The following FBXL13 variants were observed in gnomAD, a reference collection of about 807,000 sequenced individuals.
The protein encoded by FBXL13 is F-box and leucine rich repeat protein 13, also known as F-box and leucine-rich repeat protein 13.
FBXL13 carries 67 observed loss-of-function variants against 83.6 expected under a neutral mutation model. The observed-to-expected ratio is 0.80, with a 90% CI of 0.66 to 0.98. The LOEUF (loss-of-function observed/expected upper bound fraction) is 0.98, where lower values mean the gene tolerates loss of function less well. Ranked by LOEUF, FBXL13 falls within the 50% of genes least tolerant of loss-of-function variation. The pLI is 0.00. For missense variants in FBXL13, 822 were observed against 866.5 expected (o/e 0.95, Z 0.64); for synonymous variants, 272 against 299.5 (o/e 0.91, Z 0.95).
At chr7:102,821,665 T>C (rs1798825694) in intron 19 of FBXL13, among the ~76,000 whole-genome samples, 1 of 152,222 alleles carries the variant, frequency 6.6e-6, no homozygotes, top group Admixed American at 6.5e-5. Context: ...CTTGCACATT[T>C]TTGCCCTCAG....
At chr7:102,926,978 T>G (rs1452905657) in intron 9 of FBXL13, among the ~76,000 whole-genome samples, 2 of 152,116 alleles carry the variant, frequency 1.3e-5, no homozygotes, top group Non-Finnish European at 2.9e-5. Context: ...GGCAGGAGAT[T>G]CAATGCTGGG....
At chr7:102,855,648 C>T (rs1563000409) in intron 16 of FBXL13, among the ~76,000 whole-genome samples, 1 of 151,792 alleles carries the variant, frequency 6.6e-6, no homozygotes, top group South Asian at 2.1e-4. Context: ...CCACCACCCC[C>T]CAACCCACCC....
chr7:102,996,080 C>A (rs1325699813), intron 6 of FBXL13, among the ~76,000 whole-genome samples: 1 of 152,136 alleles, frequency 6.6e-6, no homozygotes, highest in Non-Finnish European at 1.5e-5. Flanking sequence ...GGTCATATTG[C>A]TAGTAAACAG....
intron 19 of FBXL13, among the ~76,000 whole-genome samples, chr7:102,818,923 G>T (rs1028795966): frequency 1.8e-4 from 28 of 152,050 alleles, no homozygotes; most frequent in Admixed American, 1.4e-3. Flanking sequence ...GTATCTATTA[G>T]TTATTCTTCC....
chr7:102,856,109 A>G (rs1250391245), intron 16 of FBXL13, among the ~76,000 whole-genome samples: 4 of 152,138 alleles, frequency 2.6e-5, no homozygotes, highest in African/African-American at 7.2e-5. Flanking sequence ...TTCTTCAGGA[A>G]TATCTTTTTC....
At chr7:102,838,591 C>A (rs1584539309) in intron 17 of FBXL13, among the ~76,000 whole-genome samples, 1 of 152,084 alleles carries the variant, frequency 6.6e-6, no homozygotes, top group Non-Finnish European at 1.5e-5. Context: ...GACCTGTACC[C>A]TGAACAATTG....
At chr7:102,934,622 G>A (rs377676475) in intron 8 of FBXL13, 1 of 1,610,640 alleles carries the variant, frequency 6.2e-7, no homozygotes, top group South Asian at 1.1e-5. Context: ...CAAGCCTGAG[G>A]TGGACTCAAC....
intron 6 of FBXL13, among the ~76,000 whole-genome samples, chr7:103,021,256 G>T (rs1480980932): frequency 6.6e-6 from 1 of 152,166 alleles, no homozygotes; most frequent in Non-Finnish European, 1.5e-5. Flanking sequence ...TTAATAAATG[G>T]TGCTGGAAAA....
intron 2 of FBXL13, among the ~76,000 whole-genome samples, chr7:103,033,388 T>C (rs942968678): frequency 6.6e-6 from 1 of 152,148 alleles, no homozygotes; most frequent in Non-Finnish European, 1.5e-5. Context: ...GTGTCCAGAA[T>C]TGGTGGGTTC....
chr7:103,071,616 T>G (rs1798969695), intron 1 of FBXL13, among the ~76,000 whole-genome samples: 1 of 151,204 alleles, frequency 6.6e-6, no homozygotes, highest in South Asian at 2.1e-4. Context: ...GAGGCTGGTC[T>G]TGAACTCCTG....
At chr7:103,045,716 G>T (rs529164255) in intron 2 of FBXL13, among the ~76,000 whole-genome samples, 5 of 152,230 alleles carry the variant, frequency 3.3e-5, no homozygotes, top group African/African-American at 1.2e-4. Flanking sequence ...GGCCTGTTGG[G>T]GCCTAGTGAA....
chr7:102,860,998 C>CAT (rs59866368), intron 16 of FBXL13, among the ~76,000 whole-genome samples: 14 of 151,078 alleles, frequency 9.3e-5, no homozygotes, highest in Admixed American at 4.6e-4. Flanking sequence ...TATACACACA[C>CAT]ATATATATAT....
chr7:102,970,351 A>ATTTT (rs1826497858), intron 6 of FBXL13, among the ~76,000 whole-genome samples: 5 of 150,080 alleles, frequency 3.3e-5, no homozygotes, highest in African/African-American at 1.2e-4. Flanking sequence ...TTTTTTTTAA[A>ATTTT]AAAATGAATG....
At chr7:103,072,090 G>A (rs929142819) in intron 1 of FBXL13, among the ~76,000 whole-genome samples, 2 of 152,062 alleles carry the variant, frequency 1.3e-5, no homozygotes, top group Non-Finnish European at 2.9e-5. Context: ...GGCTGAGGCA[G>A]GAGAATCGCT....
intron 8 of FBXL13, among the ~76,000 whole-genome samples, chr7:102,956,314 C>T (rs926877702): frequency 6.6e-6 from 1 of 152,026 alleles, no homozygotes; most frequent in African/African-American, 2.4e-5. Flanking sequence ...ACAGAAAAGG[C>T]CTTCGACAAA....
chr7:102,895,478 A>C (rs1236688627), intron 11 of FBXL13, among the ~76,000 whole-genome samples: 1 of 152,208 alleles, frequency 6.6e-6, no homozygotes, highest in African/African-American at 2.4e-5. Flanking sequence ...CTTTTCATCC[A>C]GCTTCTTCTC....
chr7:102,903,176 G>A (rs1432776658), intron 11 of FBXL13, among the ~76,000 whole-genome samples: 2 of 151,856 alleles, frequency 1.3e-5, no homozygotes, highest in Admixed American at 1.3e-4. Flanking sequence ...CTTAATGTAT[G>A]GTTGTTGTAA....
chr7:102,838,929 G>A (rs569570272), intron 17 of FBXL13, among the ~76,000 whole-genome samples: 6 of 152,316 alleles, frequency 3.9e-5, no homozygotes, highest in South Asian at 2.1e-4. Flanking sequence ...CCCGACACCC[G>A]TGAAGGGTCT....
intron 2 of FBXL13, among the ~76,000 whole-genome samples, chr7:103,049,305 C>T (rs1796584613): frequency 6.6e-6 from 1 of 152,112 alleles, no homozygotes; most frequent in Admixed American, 6.5e-5. Flanking sequence ...ATTAAGCAAA[C>T]CTAATATCTG....
Sources: allele counts gnomAD v4.1 joint callset (sites outside exome capture counted in the v4.1 genomes callset), GRCh38; gene constraint gnomAD v4.1.1; transcripts MANE v1.5; gene names NCBI Gene and HGNC (gene_info 2026-07-23, HGNC 2026-07-21).